WDR25: variants seen among roughly 807,000 people sequenced by gnomAD.
WDR25 encodes the protein WD repeat domain 25.
WDR25 carries 35 observed loss-of-function variants against 47.7 expected under a neutral mutation model. The ratio of observed to expected loss-of-function variants is 0.73; its 90% CI spans 0.56 to 0.97. The LOEUF (loss-of-function observed/expected upper bound fraction) is 0.97. Among genes scored for constraint, WDR25 ranks in the 50% least tolerant of loss-of-function variants. The pLI is 0.00. For missense variants in WDR25, 634 were observed against 704.7 expected (o/e 0.90, Z 1.14); for synonymous variants, 248 against 278.9 (o/e 0.89, Z 1.10).
chr14:100,518,975 T>C lies in WDR25; in HGVS notation c.1102-6895T>C, dbSNP rs551363172. On this transcript the variant is annotated intron_variant, in intron 4 of 6. Coordinates refer to ENST00000402312, the MANE Select transcript of WDR25 (RefSeq NM_001161476.3). ...CATAGATCCCCAAAGCTCTGTTTATTTTTTTCTTCAGCTTGATCATTTGGG... is the reference window on the plus strand; with the variant it reads ...CATAGATCCCCAAAGCTCTGTTTATCTTTTTCTTCAGCTTGATCATTTGGG... Among the ~76,000 whole-genome samples, 21 of 152,272 alleles carry C rather than the reference T, an allele frequency of 1.4e-4. No homozygotes were observed. The South Asian group carries it at 4.1e-3, about 30-fold the overall frequency.
At chr14:100,470,537 T>A (rs1899794637) in intron 3 of WDR25, among the ~76,000 whole-genome samples, 1 of 152,138 alleles carries the variant, frequency 6.6e-6, no homozygotes, top group Admixed American at 6.5e-5. Context: ...GTTCTGAAAT[T>A]TTTAGACATT....
In WDR25 at chr14:100,468,244, G is replaced by A. The variant is rs115563176; in HGVS notation, c.970+76G>A. 1,985 of 1,551,856 alleles carry A rather than the reference G, an allele frequency of 1.3e-3. 31 individuals are homozygous for A. In the African/African-American group the frequency reaches 0.023, roughly 18 times the overall value. On this transcript the variant is annotated intron_variant, in intron 3 of 6. Coordinates refer to ENST00000402312, the MANE Select transcript of WDR25 (RefSeq NM_001161476.3). The surrounding 1 kb of genome is among the most constrained non-coding windows in gnomAD (Gnocchi z 4.5). ...GGGAAGGTTCTCTGGTGGGCACGCA[G>A]CCACAAGCTGTATACGCTTGCGTGG...
chr14:100,382,526 T>G (rs1322619111), intron 2 of WDR25, among the ~76,000 whole-genome samples: 1 of 152,186 alleles, frequency 6.6e-6, no homozygotes, highest in Non-Finnish European at 1.5e-5. Flanking sequence ...ACATGGAAAC[T>G]CTTTTTTGCA....
At chr14:100,477,606 G>A (rs978844939) in intron 3 of WDR25, among the ~76,000 whole-genome samples, 5 of 152,100 alleles carry the variant, frequency 3.3e-5, no homozygotes, top group Non-Finnish European at 7.3e-5. Context: ...GGAAGAGCCC[G>A]TCTGACAAGT....
intron 2 of WDR25, among the ~76,000 whole-genome samples, chr14:100,445,395 C>T (rs189181941): frequency 2.0e-5 from 3 of 152,292 alleles, no homozygotes; most frequent in African/African-American, 7.2e-5. Flanking sequence ...GCCTCAGAGC[C>T]TTAGCTTTGT....
intron 4 of WDR25, among the ~76,000 whole-genome samples, chr14:100,511,732 C>T (rs1901318418): frequency 6.6e-6 from 1 of 152,156 alleles, no homozygotes; most frequent in Non-Finnish European, 1.5e-5. Context: ...ATGATGTCAA[C>T]TAGTTGTTTT....
intron 2 of WDR25, among the ~76,000 whole-genome samples, chr14:100,412,137 T>C (rs8006172): frequency 0.024 from 3,627 of 150,322 alleles, 161 homozygotes; most frequent in African/African-American, 0.085. Flanking sequence ...AGTCCAGGAG[T>C]TCAAGGCTGC....
In WDR25 at chr14:100,483,291, TAC is replaced by T. The variant is rs772156384; in HGVS notation, c.971-699_971-698del. Among the ~76,000 whole-genome samples, 228 of 152,312 alleles carry T rather than the reference TAC, an allele frequency of 1.5e-3. 3 individuals carry two copies. The highest frequency in any genetic ancestry group is 1.2e-3 in the East Asian group (6 of 5,188). On this transcript the variant is annotated intron_variant, in intron 3 of 6. Coordinates refer to ENST00000402312, the MANE Select transcript of WDR25 (RefSeq NM_001161476.3). ...CACACCATACGTATATATATGTACA[TAC>T]ACAGACACTTACCTAATGCACATAA...
intron 3 of WDR25, among the ~76,000 whole-genome samples, chr14:100,474,267 C>G (rs1197866960): frequency 6.6e-6 from 1 of 152,190 alleles, no homozygotes; most frequent in Non-Finnish European, 1.5e-5. Flanking sequence ...GAAGCTGACC[C>G]TAGTTACGGA....
chr14:100,448,216 G>T (rs1416319091), intron 2 of WDR25, among the ~76,000 whole-genome samples: 1 of 137,502 alleles, frequency 7.3e-6, no homozygotes, highest in Non-Finnish European at 1.6e-5. Context: ...AAAAAAAGAA[G>T]ATTTTAGGAA....
rs754371897 is a variant in WDR25 at position 100,499,339 on chromosome 14, T to C, written c.1101+15215T>C. On this transcript the variant is annotated intron_variant, in intron 4 of 6. Coordinates refer to ENST00000402312, the MANE Select transcript of WDR25 (RefSeq NM_001161476.3). This position sits in a 1 kb window ranked among gnomAD's most constrained non-coding sequence, Gnocchi z 4.4. ...CTCAATATATTATACCAAGATGTAT[T>C]TAACCAGCCCTCTATTGTTGGGTGT... Among the ~76,000 whole-genome samples, 19 of 152,234 alleles carry C rather than the reference T, an allele frequency of 1.2e-4. No individual in the cohort carries two copies. Among genetic ancestry groups the C allele is most frequent in the Non-Finnish European group, 2.2e-4 (15 of 68,050 alleles).
At chr14:100,402,759 A>G (rs774659502) in intron 2 of WDR25, among the ~76,000 whole-genome samples, 2 of 152,222 alleles carry the variant, frequency 1.3e-5, no homozygotes, top group African/African-American at 4.8e-5. Context: ...ATGAGCATTC[A>G]TGATTCTGAA....
At chr14:100,452,041 C>T (rs1899050541) in intron 2 of WDR25, among the ~76,000 whole-genome samples, 1 of 152,158 alleles carries the variant, frequency 6.6e-6, no homozygotes, top group Non-Finnish European at 1.5e-5. Context: ...ATTAATCACC[C>T]ATCCCTTCAT....
In WDR25 at chr14:100,529,544, G is replaced by A; in HGVS notation, c.1414-276G>A. The A allele has an allele frequency of 1.7e-6, 1 of 590,954 alleles. No homozygotes were observed. The highest frequency in any genetic ancestry group is 3.0e-6 in the Non-Finnish European group (1 of 333,756). 36.6% of individuals were successfully genotyped at this position (590,954 alleles called of 1,614,324 possible). On this transcript the variant is annotated intron_variant, in intron 6 of 6. Coordinates refer to ENST00000402312, the MANE Select transcript of WDR25 (RefSeq NM_001161476.3). This position sits in a 1 kb window ranked among gnomAD's most constrained non-coding sequence, Gnocchi z 5.1. The stretch of plus-strand genomic sequence containing the variant: ...GAGGCCAAGCCTTGCTGGGGTGGAA[G>A]GGGCTGGGTGCTTAGTGACTGTCAC...
At chr14:100,457,009 A>G (rs1056756344) in intron 2 of WDR25, among the ~76,000 whole-genome samples, 1 of 152,052 alleles carries the variant, frequency 6.6e-6, no homozygotes, top group Non-Finnish European at 1.5e-5. Flanking sequence ...CCAGGCTGAA[A>G]TGCAGTGGTG....
intron 5 of WDR25, among the ~76,000 whole-genome samples, chr14:100,526,679 C>T (rs1469987708): frequency 1.3e-5 from 2 of 151,878 alleles, no homozygotes; most frequent in Non-Finnish European, 2.9e-5. Context: ...CCACCAGTGT[C>T]ATCACTGCCA....
intron 2 of WDR25, among the ~76,000 whole-genome samples, chr14:100,457,098 A>G (rs1899229449): frequency 6.6e-6 from 1 of 152,116 alleles, no homozygotes; most frequent in African/African-American, 2.4e-5. Flanking sequence ...CTGGGATTAC[A>G]GTTGCCTGTC....
At chr14:100,454,373 G>GT in intron 2 of WDR25, 1 of 1,287,134 alleles carries the variant, frequency 7.8e-7, no homozygotes, top group Non-Finnish European at 1.0e-6. Flanking sequence ...AGGTGTGAGG[G>GT]TGGAGGTGAG....
rs1900982145 is a variant in WDR25 at position 100,502,968 on chromosome 14, TATGTGTGTCGGTGC to T, written c.1101+18853_1101+18866del. 6.6e-6 allele frequency among the ~76,000 whole-genome samples: 1 copy of T among 151,262 alleles called. No homozygotes were observed. The highest frequency in any genetic ancestry group is 2.1e-4 in the South Asian group (1 of 4,826). On this transcript the variant is annotated intron_variant, in intron 4 of 6. Coordinates refer to ENST00000402312, the MANE Select transcript of WDR25 (RefSeq NM_001161476.3). The surrounding 1 kb of genome is among the most constrained non-coding windows in gnomAD (Gnocchi z 4.5). ...GTGTGTCTGTGAGTGTGTGTGTCTG[TATGTGTGTCGGTGC>T]ATGTGTGTGTGTCCATCCATGCATG...
Sources: allele counts gnomAD v4.1 joint callset (sites outside exome capture counted in the v4.1 genomes callset), GRCh38; gene constraint gnomAD v4.1.1; non-coding constraint Gnocchi (gnomAD v3.1); transcripts MANE v1.5; gene names NCBI Gene and HGNC (gene_info 2026-07-23, HGNC 2026-07-21).